Variants in TTC28 observed in about 807,000 individuals in gnomAD.
TTC28 encodes tetratricopeptide repeat domain 28.
TTC28 carries 61 observed loss-of-function variants against 198.0 expected under a neutral mutation model. The observed-to-expected ratio is 0.31, with a 90% CI of 0.25 to 0.38. TTC28 has a LOEUF of 0.38. TTC28 is among the 10% of genes least tolerant of loss of function. The pLI, the probability that TTC28 is intolerant of heterozygous loss-of-function variation, is 1.00. For synonymous variants in TTC28, 1,171 were observed against 1,297.8 expected, an observed-to-expected ratio of 0.90 and a Z score of 2.10; for missense variants, 2,678 against 3,164.0, an observed-to-expected ratio of 0.85 and a Z score of 3.69.
At chr22:28,431,659 A>T (rs961339218) in intron 2 of TTC28, among the ~76,000 whole-genome samples, 1 of 152,198 alleles carries the variant, frequency 6.6e-6, no homozygotes, top group African/African-American at 2.4e-5. Flanking sequence ...CCATATTTTC[A>T]TCTTGTTTCA....
chr22:27,990,931 C>G, intron 19 of TTC28, 119 bp from the exon 20 acceptor site: 1 of 1,020,946 alleles, frequency 9.8e-7, no homozygotes, highest in Non-Finnish European at 1.4e-6. Context: ...ACACCAGGCC[C>G]GCGGCTCTGA....
At chr22:28,135,263 G>A (rs1943173511) in intron 6 of TTC28, among the ~76,000 whole-genome samples, 2 of 152,102 alleles carry the variant, frequency 1.3e-5, no homozygotes, top group Admixed American at 6.5e-5. Context: ...CAACACCAGT[G>A]AGCTCACCAC....
chr22:28,631,004 A>G (rs985105104), intron 1 of TTC28, among the ~76,000 whole-genome samples: 10 of 152,308 alleles, frequency 6.6e-5, no homozygotes, highest in African/African-American at 2.2e-4. Flanking sequence ...CTGTAGTCCC[A>G]GCTACTCAAG....
At chr22:28,413,493 A>C (rs1178917259) in intron 2 of TTC28, among the ~76,000 whole-genome samples, 1 of 152,144 alleles carries the variant, frequency 6.6e-6, no homozygotes, top group Non-Finnish European at 1.5e-5. Context: ...ATTTTCATGA[A>C]ATACTAAGCA....
At chr22:28,548,934 T>C (rs1482517554) in intron 2 of TTC28, among the ~76,000 whole-genome samples, 1 of 152,218 alleles carries the variant, frequency 6.6e-6, no homozygotes, top group African/African-American at 2.4e-5. Context: ...ACCACTACAG[T>C]AAGTTTTGTT....
chr22:28,496,023 A>C (rs1439576607), intron 2 of TTC28, among the ~76,000 whole-genome samples: 3 of 152,114 alleles, frequency 2.0e-5, no homozygotes, highest in Non-Finnish European at 2.9e-5. Flanking sequence ...TTATAGGCTC[A>C]TTGCTCCCTC....
intron 2 of TTC28, among the ~76,000 whole-genome samples, chr22:28,373,748 T>C (rs2046370631): frequency 6.6e-6 from 1 of 152,228 alleles, no homozygotes; most frequent in Non-Finnish European, 1.5e-5. Flanking sequence ...AGTAATCCTC[T>C]GTCAGTAATC....
intron 2 of TTC28, among the ~76,000 whole-genome samples, chr22:28,610,058 G>A (rs1275231118): frequency 6.6e-6 from 1 of 151,914 alleles, no homozygotes; most frequent in Non-Finnish European, 1.5e-5. Flanking sequence ...TCTGGGCGGG[G>A]CATCTCTGAA....
chr22:28,406,148 C>T (rs1178500850), intron 2 of TTC28, among the ~76,000 whole-genome samples: 1 of 152,232 alleles, frequency 6.6e-6, no homozygotes. Context: ...CCAGTTACCT[C>T]TTCCATTCAC....
At chr22:28,283,403 G>T (rs1276754830) in intron 5 of TTC28, among the ~76,000 whole-genome samples, 2 of 151,830 alleles carry the variant, frequency 1.3e-5, no homozygotes, top group African/African-American at 4.8e-5. Context: ...ATATAATAAA[G>T]CACATAGTGT....
intron 21 of TTC28, among the ~76,000 whole-genome samples, 168 bp downstream of exon 21, chr22:27,989,710 G>A (rs1937331320): frequency 6.6e-6 from 1 of 152,066 alleles, no homozygotes; most frequent in Admixed American, 6.6e-5. Context: ...GCCTCCCAAA[G>A]TGCTAGGATT....
chr22:28,245,930 T>G (rs1373353608), intron 5 of TTC28, among the ~76,000 whole-genome samples: 4 of 152,202 alleles, frequency 2.6e-5, no homozygotes, highest in Non-Finnish European at 4.4e-5. Flanking sequence ...TTTTCCTGTT[T>G]CCTGACTTAT....
At chr22:28,296,717 T>C (rs891577990) in intron 4 of TTC28, among the ~76,000 whole-genome samples, 20 of 152,202 alleles carry the variant, frequency 1.3e-4, no homozygotes, top group African/African-American at 4.6e-4. Context: ...AAAAAATATC[T>C]TTACAAGTAT....
chr22:28,468,880 T>C (rs2048062512), intron 2 of TTC28, among the ~76,000 whole-genome samples: 1 of 152,010 alleles, frequency 6.6e-6, no homozygotes, highest in Non-Finnish European at 1.5e-5. Flanking sequence ...CTGGCTCTCA[T>C]TTGGTTTTAA....
intron 20 of TTC28, among the ~76,000 whole-genome samples, chr22:27,990,469 C>T (rs1029561982): frequency 4.6e-5 from 7 of 152,356 alleles, no homozygotes; most frequent in African/African-American, 1.4e-4. Context: ...ATTTCAGGGT[C>T]TGTGGCCTCT....
intron 5 of TTC28, among the ~76,000 whole-genome samples, chr22:28,164,928 GA>G (rs1182010825): frequency 2.6e-5 from 4 of 151,828 alleles, no homozygotes; most frequent in Admixed American, 6.6e-5. Context: ...TAAAAACCTT[GA>G]AAAAAAACTA....
In TTC28 at chr22:28,089,732, TA is replaced by T. The variant is rs895898788; in HGVS notation, c.3932+4347del. 4.6e-3 allele frequency among the ~76,000 whole-genome samples: 641 copies of T among 139,112 alleles called. 3 individuals carry two copies. The highest frequency in any genetic ancestry group is 0.015 in the African/African-American group (563 of 38,136). 91.3% of individuals were successfully genotyped at this position (139,112 alleles called of 152,430 possible). On this transcript the variant is annotated intron_variant, in intron 12 of 22. Coordinates refer to ENST00000397906, the MANE Select transcript of TTC28 (RefSeq NM_001145418.2). ...AAAAAAATAAAGGTTTTCAAATGTT[TA>T]AAAAAAAAAAGAAAATGTGGCATGT...
At chr22:28,275,836 T>C (rs765522772) in intron 5 of TTC28, among the ~76,000 whole-genome samples, 2 of 152,040 alleles carry the variant, frequency 1.3e-5, no homozygotes, top group African/African-American at 2.4e-5. Context: ...GAGAAGATTG[T>C]CAATGGGCAT....
intron 2 of TTC28, among the ~76,000 whole-genome samples, chr22:28,585,643 C>T (rs2050303336): frequency 6.6e-6 from 1 of 152,150 alleles, no homozygotes; most frequent in Non-Finnish European, 1.5e-5. Flanking sequence ...CAAAACAAAC[C>T]TGTAGTAAGC....
Sources: gnomAD v4.1 joint callset for allele counts (sites outside exome capture counted in the v4.1 genomes callset) on GRCh38, gnomAD v4.1.1 for gene constraint, MANE v1.5 for transcripts, NCBI Gene and HGNC (gene_info 2026-07-23, HGNC 2026-07-21) for gene names.